MCPH1: variants seen among roughly 807,000 people sequenced by gnomAD.
MCPH1 encodes the protein microcephalin 1.
Under a neutral mutation model 84.5 loss-of-function variants are expected in MCPH1, and 104 were observed. That is an observed-to-expected ratio of 1.23 (90% CI 1.05 to 1.45). The LOEUF (loss-of-function observed/expected upper bound fraction) is 1.45, where lower values mean the gene tolerates loss of function less well. Among genes scored for constraint, MCPH1 ranks in the 40% most tolerant of loss-of-function variants. MCPH1 has a pLI of 0.00. For synonymous variants in MCPH1, 514 were observed against 366.8 expected, an observed-to-expected ratio of 1.40 and a Z score of -4.58; for missense variants, 1,498 against 1,005.7, an observed-to-expected ratio of 1.49 and a Z score of -6.62.
chr8:6,408,050 G>C (rs1011038656), intron 1 of MCPH1, among the ~76,000 whole-genome samples: 2 of 152,216 alleles, frequency 1.3e-5, no homozygotes. Flanking sequence ...CACAAAGCCT[G>C]AAATATTTAC....
At position 6,508,775 on chromosome 8, in the gene MCPH1, A is replaced by G. The variant is rs184758175; in HGVS notation, c.2214+8846A>G. 58 of 1,082,084 alleles carry G rather than the reference A, an allele frequency of 5.4e-5. 1 individual carries two copies. The Admixed American group carries it at 1.0e-3, about 19-fold the overall frequency. The allele number at this position is 1,082,084 out of a possible 1,614,324, so 67.0% of individuals were successfully genotyped here. On this transcript the variant is annotated intron_variant, in intron 12 of 13. Transcript: ENST00000344683. The stretch of plus-strand genomic sequence containing the variant: ...TCTCACTTAAAACTTAGTCTAAAAA[A>G]AGTGAAAAACACATTTACCTATATC...
intron 12 of MCPH1, among the ~76,000 whole-genome samples, chr8:6,583,488 G>A (rs1827728306): frequency 2.6e-5 from 4 of 152,198 alleles, no homozygotes; most frequent in African/African-American, 9.7e-5. Flanking sequence ...GTCAGCACAG[G>A]GAAGAGATCA....
chr8:6,412,605 C>T (rs934422357), intron 2 of MCPH1, among the ~76,000 whole-genome samples: 2 of 152,152 alleles, frequency 1.3e-5, no homozygotes, highest in Non-Finnish European at 1.5e-5. Flanking sequence ...TGGGTCTCAG[C>T]GCAAGGTGTA....
intron 10 of MCPH1, among the ~76,000 whole-genome samples, chr8:6,479,244 G>T (rs1309133799): frequency 6.6e-6 from 1 of 151,812 alleles, no homozygotes; most frequent in Non-Finnish European, 1.5e-5. Context: ...TCCAGCCTGG[G>T]CAACAGAGTG....
At chr8:6,407,443 C>T (rs1797900324) in intron 1 of MCPH1, among the ~76,000 whole-genome samples, 1 of 152,118 alleles carries the variant, frequency 6.6e-6, no homozygotes, top group Admixed American at 6.6e-5. Flanking sequence ...TAGACCGGAG[C>T]TGCTGTCCTA....
intron 12 of MCPH1, chr8:6,562,970 T>C (rs977900363): frequency 1.3e-6 from 2 of 1,549,348 alleles, no homozygotes; most frequent in Non-Finnish European, 1.8e-6. Flanking sequence ...CTTAGCAAAC[T>C]TGAGGGCAAA....
chr8:6,548,258 C>T (rs930256694), intron 12 of MCPH1, among the ~76,000 whole-genome samples: 2 of 152,124 alleles, frequency 1.3e-5, no homozygotes, highest in African/African-American at 4.8e-5. Context: ...CTTTCCTGCA[C>T]CCTGGCATTT....
At chr8:6,515,145 C>A (rs764386432) in intron 12 of MCPH1, among the ~76,000 whole-genome samples, 11 of 152,120 alleles carry the variant, frequency 7.2e-5, no homozygotes, top group Admixed American at 4.6e-4. Context: ...CCGAACCCCA[C>A]ATCTCCATCC....
intron 12 of MCPH1, chr8:6,503,048 G>T: frequency 1.2e-6 from 2 of 1,604,440 alleles, no homozygotes; most frequent in Non-Finnish European, 1.7e-6. Context: ...CAGTGCACTG[G>T]GCTTAAGTCT....
chr8:6,502,972 G>T lies in MCPH1; in HGVS notation c.2214+3043G>T, dbSNP rs1812485617. 5 of 1,051,984 alleles carry T rather than the reference G, an allele frequency of 4.8e-6. No homozygotes were observed. In the Admixed American group the frequency reaches 1.1e-4, roughly 22 times the overall value. The allele number at this position is 1,051,984 out of a possible 1,614,324, so 65.2% of individuals were successfully genotyped here. ...TACAGGCTCTAATCTGGAGCATGTGGGTCCCGTCAGCACCGAGCACACGCC... is the reference window on the plus strand; with the variant it reads ...TACAGGCTCTAATCTGGAGCATGTGTGTCCCGTCAGCACCGAGCACACGCC... On this transcript the variant is annotated intron_variant, in intron 12 of 13. Transcript: ENST00000344683.
chr8:6,625,003 G>A (rs1199241587), intron 13 of MCPH1: 2 of 531,054 alleles, frequency 3.8e-6, no homozygotes, highest in Non-Finnish European at 4.8e-6. Flanking sequence ...AGCCTTCCCA[G>A]TAGCTGGAAT....
At chr8:6,449,268 A>G (rs75117736) in intron 8 of MCPH1, among the ~76,000 whole-genome samples, 5,704 of 152,226 alleles carry the variant, frequency 0.037, 392 homozygotes, top group African/African-American at 0.13. Context: ...GTGTCCTTAT[A>G]TTGCAGATTC....
intron 12 of MCPH1, among the ~76,000 whole-genome samples, chr8:6,526,808 A>T (rs1007151411): frequency 1.3e-5 from 2 of 152,232 alleles, no homozygotes; most frequent in Non-Finnish European, 2.9e-5. Context: ...CACACCAGGT[A>T]TGTGCATAAA....
chr8:6,623,368 CT>C (rs879764157), intron 13 of MCPH1, among the ~76,000 whole-genome samples: 2 of 151,720 alleles, frequency 1.3e-5, no homozygotes, highest in Admixed American at 6.6e-5. Flanking sequence ...CTCTCTCTCT[CT>C]CCTGTTCTCT....
intron 12 of MCPH1, among the ~76,000 whole-genome samples, chr8:6,617,367 C>T (rs1830913202): frequency 6.7e-6 from 1 of 149,758 alleles, no homozygotes; most frequent in Non-Finnish European, 1.5e-5. Flanking sequence ...GCAAGCTCCT[C>T]CTCCCAGGTT....
Position 6,414,824 on chromosome 8 carries a change from C to T in MCPH1, c.174C>T (p.Ser58=). 2 of 1,613,770 alleles carry T rather than the reference C, an allele frequency of 1.2e-6. No individual in the cohort carries two copies. The highest frequency in any genetic ancestry group is 1.7e-5 in the Admixed American group (1 of 59,994). Residue 58 remains serine, a synonymous_variant, in exon 3 of 14, where the codon AGC becomes AGT. Coordinates refer to ENST00000344683, the MANE Select transcript of MCPH1 (RefSeq NM_024596.5). ...TTATCTTCAAAGATGGCTACCAGAG[C>T]ACTTGGGACAAAGCTCAGAAGAGAG... is the stretch of plus-strand genomic sequence containing the variant. The part of the protein sequence containing the change: ...THVIFKDGYQ[S]TWDKAQKRGV...
chr8:6,469,416 C>T (rs901314120), intron 9 of MCPH1, among the ~76,000 whole-genome samples: 3 of 152,098 alleles, frequency 2.0e-5, no homozygotes, highest in Non-Finnish European at 4.4e-5. Flanking sequence ...GGATCTAGGT[C>T]ATATAATATC....
intron 12 of MCPH1, among the ~76,000 whole-genome samples, chr8:6,561,954 C>T (rs761793037): frequency 6.6e-6 from 1 of 152,110 alleles, no homozygotes; most frequent in Non-Finnish European, 1.5e-5. Context: ...AACCGTCCCA[C>T]GTGGGGACGC....
intron 12 of MCPH1, among the ~76,000 whole-genome samples, chr8:6,584,015 G>A (rs1007935375): frequency 5.3e-5 from 8 of 152,142 alleles, no homozygotes; most frequent in Middle Eastern, 3.4e-3. Context: ...CCAGTCTGAC[G>A]CACGCATGGG....
Sources: allele counts gnomAD v4.1 joint callset (sites outside exome capture counted in the v4.1 genomes callset), GRCh38; gene constraint gnomAD v4.1.1; transcripts MANE v1.5; gene names NCBI Gene and HGNC (gene_info 2026-07-23, HGNC 2026-07-21).